Variants in MYO3B observed in about 807,000 individuals in gnomAD.
MYO3B encodes the protein myosin IIIB.
In MYO3B, 156 loss-of-function variants were observed where a neutral mutation model predicts 174.6. The ratio of observed to expected loss-of-function variants is 0.89; its 90% CI spans 0.78 to 1.02. The LOEUF is 1.02. Ranked by LOEUF, MYO3B falls within the 50% of genes least tolerant of loss-of-function variation. MYO3B has a pLI of 0.00. For missense variants in MYO3B, 1,632 were observed against 1,639.4 expected (o/e 1.00, Z 0.08); for synonymous variants, 563 against 569.1 (o/e 0.99, Z 0.15).
chr2:170,644,873 T>C (rs1407499057), intron 32 of MYO3B, among the ~76,000 whole-genome samples: 1 of 152,188 alleles, frequency 6.6e-6, no homozygotes, highest in African/African-American at 2.4e-5. Flanking sequence ...CTCCAGTTTA[T>C]TATAAAGTTC....
chr2:170,508,482 C>G (rs534545698), intron 28 of MYO3B, among the ~76,000 whole-genome samples: 5 of 152,304 alleles, frequency 3.3e-5, no homozygotes, highest in Admixed American at 3.3e-4. Flanking sequence ...TGCTATTTTT[C>G]TTCAAAAGAC....
chr2:170,404,971 C>G (rs1191461668), intron 20 of MYO3B, among the ~76,000 whole-genome samples: 1 of 152,228 alleles, frequency 6.6e-6, no homozygotes, highest in Admixed American at 6.5e-5. Context: ...TTTTTCACAA[C>G]CTTTGTTCCT....
rs1267172678 is a variant in MYO3B at position 170,586,296 on chromosome 2, T to A, written c.3733+42308T>A. On this transcript the variant is annotated intron_variant, in intron 32 of 34. Transcript: ENST00000408978. ...AGCCCTGTGACCTAAAGTTCACAGG[T>A]CCAATCATTTTGCAGTTCCTCTGCA... Among the ~76,000 whole-genome samples, 5 of 152,298 alleles carry A rather than the reference T, an allele frequency of 3.3e-5. No homozygotes were observed. In the East Asian group the frequency reaches 7.7e-4, roughly 24 times the overall value.
At chr2:170,220,448 G>T (rs943413116) in intron 6 of MYO3B, among the ~76,000 whole-genome samples, 1 of 151,470 alleles carries the variant, frequency 6.6e-6, no homozygotes, top group African/African-American at 2.4e-5. Flanking sequence ...GGCTAACACG[G>T]TGAAACCCCA....
rs189680537 is a variant in MYO3B, at chr2:170,642,582, A to C, written c.3734-9046A>C. Among the ~76,000 whole-genome samples the C allele has an allele frequency of 1.5e-4, 23 of 152,292 alleles. No individual in the cohort carries two copies. In the East Asian group the frequency reaches 4.4e-3, roughly 29 times the overall value. On this transcript the variant is annotated intron_variant, in intron 32 of 34. Transcript: ENST00000408978. The stretch of plus-strand genomic sequence containing the variant: ...TCCTGAAGTTAGACTTGGTGAAGTG[A>C]AAACTTATGAAAATGTCTCAGCAAA...
At chr2:170,380,041 A>G (rs1418984578) in intron 9 of MYO3B, among the ~76,000 whole-genome samples, 4 of 152,368 alleles carry the variant, frequency 2.6e-5, no homozygotes, top group Admixed American at 1.3e-4. Flanking sequence ...GGTGGGGTGT[A>G]CATCAAGATT....
At chr2:170,453,372 A>T (rs988519389) in intron 23 of MYO3B, among the ~76,000 whole-genome samples, 2 of 150,754 alleles carry the variant, frequency 1.3e-5, no homozygotes, top group Non-Finnish European at 2.9e-5. Flanking sequence ...TATTAATCAT[A>T]CCTTTGCAGA....
intron 7 of MYO3B, among the ~76,000 whole-genome samples, chr2:170,237,533 C>G (rs561735620): frequency 1.6e-3 from 222 of 140,864 alleles, no homozygotes; most frequent in African/African-American, 2.1e-3. Flanking sequence ...GTGTTTTTGG[C>G]GGGGGGGAGG....
chr2:170,430,748 G>A (rs978519970), intron 22 of MYO3B, among the ~76,000 whole-genome samples: 8 of 152,014 alleles, frequency 5.3e-5, no homozygotes, highest in African/African-American at 1.9e-4. Flanking sequence ...AATTACACCT[G>A]GATTAAGTAT....
intron 34 of MYO3B, 73 bp downstream of exon 34, chr2:170,652,227 A>G: frequency 7.2e-7 from 1 of 1,381,850 alleles, no homozygotes; most frequent in Middle Eastern, 1.8e-4. Flanking sequence ...AGAAAATGCA[A>G]AACTTTCCAG....
chr2:170,185,843 G>A (rs192330869), intron 1 of MYO3B, among the ~76,000 whole-genome samples: 35 of 140,650 alleles, frequency 2.5e-4, no homozygotes, highest in East Asian at 1.8e-3. Flanking sequence ...TATAGTTTTC[G>A]TTGTAGAGAT....
intron 32 of MYO3B, among the ~76,000 whole-genome samples, chr2:170,593,912 C>T (rs916785718): frequency 6.6e-6 from 1 of 152,144 alleles, no homozygotes; most frequent in Non-Finnish European, 1.5e-5. Context: ...TTGGGGCTCG[C>T]TGATATTGTA....
chr2:170,309,744 G>C (rs2093725253), intron 7 of MYO3B, among the ~76,000 whole-genome samples: 1 of 151,610 alleles, frequency 6.6e-6, no homozygotes, highest in Non-Finnish European at 1.5e-5. Context: ...TGAAGTTTTT[G>C]GATTTTCTTT....
intron 25 of MYO3B, among the ~76,000 whole-genome samples, chr2:170,474,446 G>A (rs1439463152): frequency 8.6e-5 from 13 of 151,836 alleles, no homozygotes; most frequent in Non-Finnish European, 1.9e-4. Flanking sequence ...TAAAACGATA[G>A]GCATCCATGG....
intron 32 of MYO3B, among the ~76,000 whole-genome samples, chr2:170,632,522 A>G (rs1336314393): frequency 6.6e-6 from 1 of 152,200 alleles, no homozygotes; most frequent in Non-Finnish European, 1.5e-5. Flanking sequence ...TGCCCACAAG[A>G]GAAAGCAGGA....
intron 7 of MYO3B, among the ~76,000 whole-genome samples, chr2:170,304,158 T>A (rs2105451006): frequency 1.3e-5 from 2 of 152,320 alleles, no homozygotes; most frequent in East Asian, 3.9e-4. Flanking sequence ...AAACAGAACC[T>A]ATGATTCAAA....
At chr2:170,333,959 T>A (rs1232095640) in intron 7 of MYO3B, 1 of 152,178 alleles carries the variant, frequency 6.6e-6, no homozygotes, top group Non-Finnish European at 1.5e-5. Flanking sequence ...TTCTCTCTCT[T>A]AGTAAGGAAG....
intron 14 of MYO3B, among the ~76,000 whole-genome samples, chr2:170,388,688 C>A (rs1326614148): frequency 6.6e-6 from 1 of 152,074 alleles, no homozygotes; most frequent in Non-Finnish European, 1.5e-5. Context: ...GAGGCTGTTG[C>A]CAGATTCATG....
At chr2:170,645,238 A>G (rs994370437) in intron 32 of MYO3B, among the ~76,000 whole-genome samples, 1 of 152,248 alleles carries the variant, frequency 6.6e-6, no homozygotes, top group Admixed American at 6.5e-5. Flanking sequence ...TAGGAAGCCA[A>G]GGCAGGTGGA....
Sources: allele counts gnomAD v4.1 joint callset (sites outside exome capture counted in the v4.1 genomes callset), GRCh38; gene constraint gnomAD v4.1.1; transcripts MANE v1.5; gene names NCBI Gene and HGNC (gene_info 2026-07-23, HGNC 2026-07-21).